Variants in CEP43 observed in about 807,000 individuals in gnomAD.
CEP43 encodes the protein centrosomal protein 43.
Under a neutral mutation model 52.6 loss-of-function variants are expected in CEP43, and 36 were observed. That is an observed-to-expected ratio of 0.68 (90% CI 0.52 to 0.90). The LOEUF is 0.90. Ranked by LOEUF, CEP43 falls within the 40% of genes least tolerant of loss-of-function variation. CEP43 has a pLI of 0.00. For synonymous variants in CEP43, 192 were observed against 172.4 expected, an observed-to-expected ratio of 1.11 and a Z score of -0.89; for missense variants, 506 against 472.8, an observed-to-expected ratio of 1.07 and a Z score of -0.65.
At position 167,044,832 on chromosome 6, in the gene CEP43, T is replaced by A. The variant is rs971850712; in HGVS notation, c.*4854T>A. 1.3e-5 allele frequency: 2 copies of A among 152,478 alleles called. No individual in the cohort carries two copies. Among genetic ancestry groups the A allele is most frequent in the Non-Finnish European group, 2.9e-5 (2 of 68,272 alleles). The allele number at this position is 152,478 out of a possible 1,614,324, so 9.4% of individuals were successfully genotyped here. ...CTTGGCCACTTCTCTGCCTCTTAGT[T>A]TAACAGCAGCACTGGGCAAGGTTTG... is the stretch of plus-strand genomic sequence containing the variant. On this transcript the variant is annotated 3_prime_UTR_variant, in exon 13 of 13. Coordinates refer to ENST00000366847, the MANE Select transcript of CEP43 (RefSeq NM_007045.4).
intron 5 of CEP43, among the ~76,000 whole-genome samples, chr6:167,005,556 G>A (rs759108872): frequency 2.0e-5 from 3 of 152,242 alleles, no homozygotes; most frequent in Admixed American, 6.5e-5. Context: ...CCAGCCAAGC[G>A]TGGGAGCAGG....
chr6:167,048,473 C>A lies in CEP43; in HGVS notation c.*8495C>A. Reference sequence around the variant, plus strand: ...GGAGGTTTGCTTGAGCCGGGGAGGTCGAGTCTGCAGTGAACTGAGATTGCA... The same window carrying A: ...GGAGGTTTGCTTGAGCCGGGGAGGTAGAGTCTGCAGTGAACTGAGATTGCA... On this transcript the variant is annotated 3_prime_UTR_variant, in exon 13 of 13. Coordinates refer to ENST00000366847, the MANE Select transcript of CEP43 (RefSeq NM_007045.4). 6.6e-6 allele frequency: 1 copy of A among 152,198 alleles called. No homozygotes were observed. Among genetic ancestry groups the A allele is most frequent in the Non-Finnish European group, 1.5e-5 (1 of 68,048 alleles). 9.4% of individuals were successfully genotyped at this position (152,198 alleles called of 1,614,324 possible).
In CEP43 at chr6:167,042,175, G is replaced by T; in HGVS notation, c.*2197G>T. 9.9e-7 allele frequency: 1 copy of T among 1,007,590 alleles called. No homozygotes were observed. Among genetic ancestry groups the T allele is most frequent in the South Asian group, 4.7e-5 (1 of 21,462 alleles). 62.4% of individuals were successfully genotyped at this position (1,007,590 alleles called of 1,614,324 possible). ...TGACTTAAAGTTCAACTATGAAAAA[G>T]CTTTCTTTTCACATGTACTTTTTGA... On this transcript the variant is annotated 3_prime_UTR_variant, in exon 13 of 13. Transcript: ENST00000366847.
chr6:167,035,171 A>G (rs1780557266), intron 12 of CEP43, among the ~76,000 whole-genome samples: 1 of 152,232 alleles, frequency 6.6e-6, no homozygotes. Context: ...GGTTTGGCAC[A>G]TCAATGTTCC....
chr6:167,024,021 G>A (rs1435802502), intron 8 of CEP43, among the ~76,000 whole-genome samples: 1 of 152,214 alleles, frequency 6.6e-6, no homozygotes, highest in East Asian at 1.9e-4. Context: ...GTATGCTGAC[G>A]AGAGCTGTTC....
intron 7 of CEP43, among the ~76,000 whole-genome samples, chr6:167,022,094 T>C (rs62436763): frequency 0.083 from 12,572 of 152,262 alleles, 702 homozygotes; most frequent in Non-Finnish European, 0.13. Flanking sequence ...ATAAATGGGA[T>C]AGGTATACTA....
intron 7 of CEP43, among the ~76,000 whole-genome samples, chr6:167,015,340 C>T (rs1780070214): frequency 6.6e-6 from 1 of 152,238 alleles, no homozygotes; most frequent in Non-Finnish European, 1.5e-5. Flanking sequence ...TATTGCCAGC[C>T]TTACTTATAT....
chr6:167,046,174 G>C lies in CEP43; in HGVS notation c.*6196G>C, dbSNP rs1230407032. On this transcript the variant is annotated 3_prime_UTR_variant, in exon 13 of 13. Transcript: ENST00000366847. ...TTATAGAGGTTAGGTATATATGGCAGATCATATCTGAGCGTGAATTACATT... is the reference window on the plus strand; with the variant it reads ...TTATAGAGGTTAGGTATATATGGCACATCATATCTGAGCGTGAATTACATT... The C allele has an allele frequency of 6.6e-6, 1 of 151,510 alleles. No individual in the cohort carries two copies. The highest frequency in any genetic ancestry group is 1.5e-5 in the Non-Finnish European group (1 of 67,932). 9.4% of individuals were successfully genotyped at this position (151,510 alleles called of 1,614,324 possible).
At chr6:167,023,441 G>C (rs1780284537) in intron 8 of CEP43, among the ~76,000 whole-genome samples, 1 of 152,216 alleles carries the variant, frequency 6.6e-6, no homozygotes, top group East Asian at 1.9e-4. Context: ...AAACACGTTA[G>C]ATGAAGAGTG....
chr6:167,006,099 C>G (rs1583269124), intron 5 of CEP43, among the ~76,000 whole-genome samples: 1 of 152,188 alleles, frequency 6.6e-6, no homozygotes, highest in Non-Finnish European at 1.5e-5. Context: ...AAGTATCGCG[C>G]CTACAGGTCT....
intron 12 of CEP43, among the ~76,000 whole-genome samples, chr6:167,035,810 G>A (rs543843923): frequency 6.6e-6 from 1 of 152,126 alleles, no homozygotes; most frequent in East Asian, 1.9e-4. Context: ...CTCGTGCTCT[G>A]CCTGCCTCGG....
At position 167,022,383 on chromosome 6, in the gene CEP43, C is replaced by T. The variant is rs1175990484; in HGVS notation, c.580-26C>T. 5 of 1,491,080 alleles carry T rather than the reference C, an allele frequency of 3.4e-6. No homozygotes were observed. In the African/African-American group the frequency reaches 4.2e-5, roughly 12 times the overall value. The allele number at this position is 1,491,080 out of a possible 1,614,324, so 92.4% of individuals were successfully genotyped here. The stretch of plus-strand genomic sequence containing the variant: ...TTAAAGTTTTATCTCACCAAGGAGG[C>T]CTTTTCTCTTTCCCTCTCTTTCTAG... On this transcript the variant is annotated intron_variant, in intron 7 of 12. Transcript: ENST00000366847.
chr6:167,020,908 C>CAAA (rs147460349), intron 7 of CEP43, among the ~76,000 whole-genome samples: 6 of 79,052 alleles, frequency 7.6e-5, no homozygotes, highest in South Asian at 5.7e-4. Flanking sequence ...GACTCTGTCT[C>CAAA]AAAAAAAAAA....
At chr6:167,009,403 G>A (rs1324970701) in intron 5 of CEP43, among the ~76,000 whole-genome samples, 2 of 148,526 alleles carry the variant, frequency 1.3e-5, no homozygotes, top group East Asian at 2.0e-4. Context: ...CCAGCTACTC[G>A]GGAGGGCGAG....
At position 167,043,535 on chromosome 6, in the gene CEP43, C is replaced by A. The variant is rs1416206448; in HGVS notation, c.*3557C>A. 1 of 152,182 alleles carries A rather than the reference C, an allele frequency of 6.6e-6. No homozygotes were observed. Among genetic ancestry groups the A allele is most frequent in the African/African-American group, 2.4e-5 (1 of 41,364 alleles). The allele number at this position is 152,182 out of a possible 1,614,324, so 9.4% of individuals were successfully genotyped here. A position where few individuals can be genotyped will look rare whatever the true frequency, so the allele number is the denominator to read the frequency against. Reference sequence around the variant, plus strand: ...AGCTGAGATTACAGGTGCCTGCCACCATGCCCAGCTAATTTTTATAATTTT... The same window carrying A: ...AGCTGAGATTACAGGTGCCTGCCACAATGCCCAGCTAATTTTTATAATTTT... On this transcript the variant is annotated 3_prime_UTR_variant, in exon 13 of 13. Coordinates refer to ENST00000366847, the MANE Select transcript of CEP43 (RefSeq NM_007045.4).
At position 167,012,367 on chromosome 6, in the gene CEP43, AT is replaced by A. The variant is rs60847556; in HGVS notation, c.520-1131del. ...GGTGTAGGGAAGGCCTTTTTTTAAA[AT>A]TTTTTTTTTCCTAAATACTCATAGG... On this transcript the variant is annotated intron_variant, in intron 6 of 12. Coordinates refer to ENST00000366847, the MANE Select transcript of CEP43 (RefSeq NM_007045.4). Among the ~76,000 whole-genome samples, 769 of 150,020 alleles carry A rather than the reference AT, an allele frequency of 5.1e-3. 25 individuals are homozygous for A. The East Asian group carries it at 0.091, about 18-fold the overall frequency.
intron 11 of CEP43, among the ~76,000 whole-genome samples, chr6:167,033,097 C>CTTTTTTTTTT (rs1562533056): frequency 3.2e-5 from 3 of 94,522 alleles, no homozygotes; most frequent in African/African-American, 1.2e-4. Context: ...GATTGCCATT[C>CTTTTTTTTTT]TCTTTTTTTT....
intron 4 of CEP43, 187 bp from the exon 5 acceptor site, chr6:167,004,077 G>A: frequency 3.2e-6 from 2 of 632,068 alleles, no homozygotes; most frequent in Non-Finnish European, 5.2e-6. Context: ...ACCTGTTAAT[G>A]GAAACGTTGA....
At position 167,032,655 on chromosome 6, in the gene CEP43, A is replaced by T; in HGVS notation, c.1028+13A>T. The T allele has an allele frequency of 6.4e-7, 1 of 1,563,030 alleles. No homozygotes were observed. The highest frequency in any genetic ancestry group is 8.7e-7 in the Non-Finnish European group (1 of 1,147,566). On this transcript the variant is annotated intron_variant, in intron 11 of 12. Coordinates refer to ENST00000366847, the MANE Select transcript of CEP43 (RefSeq NM_007045.4). ...ATGATTTTAATAGGTAAGAAAAACT[A>T]TTGGGCAAATATATAAATATATACG... is the stretch of plus-strand genomic sequence containing the variant.
Sources: allele counts gnomAD v4.1 joint callset (sites outside exome capture counted in the v4.1 genomes callset), GRCh38; gene constraint gnomAD v4.1.1; transcripts MANE v1.5; gene names NCBI Gene and HGNC (gene_info 2026-07-23, HGNC 2026-07-21).